GOLGA4: variants seen among roughly 807,000 people sequenced by gnomAD.
GOLGA4 encodes golgin subfamily A member 4.
GOLGA4 carries 169 observed loss-of-function variants against 265.9 expected under a neutral mutation model. The observed-to-expected ratio is 0.64, with a 90% CI of 0.56 to 0.72. GOLGA4 has a LOEUF of 0.72. GOLGA4 is among the 30% of genes least tolerant of loss of function. The pLI is 0.00. For synonymous variants in GOLGA4, 923 were observed against 855.8 expected (o/e 1.08, Z -1.37); for missense variants, 2,482 against 2,483.4 (o/e 1.00, Z 0.01).
chr3:37,245,073 G>A (rs993835753), intron 1 of GOLGA4, among the ~76,000 whole-genome samples: 1 of 152,132 alleles, frequency 6.6e-6, no homozygotes, highest in East Asian at 1.9e-4. Flanking sequence ...GGATTTTCAC[G>A]TCAATGTTGT....
intron 2 of GOLGA4, among the ~76,000 whole-genome samples, chr3:37,280,393 T>G (rs1443537263): frequency 6.6e-6 from 1 of 152,200 alleles, no homozygotes; most frequent in Non-Finnish European, 1.5e-5. Flanking sequence ...ACAGAAATGG[T>G]GAAAAATATG....
At chr3:37,301,579 G>A (rs965401165) in intron 9 of GOLGA4, among the ~76,000 whole-genome samples, 1 of 152,116 alleles carries the variant, frequency 6.6e-6, no homozygotes, top group Non-Finnish European at 1.5e-5. Flanking sequence ...TAGCACATTT[G>A]TAGAAAGGCT....
chr3:37,290,002 T>G (rs1423398379), intron 5 of GOLGA4, among the ~76,000 whole-genome samples: 2 of 152,230 alleles, frequency 1.3e-5, no homozygotes, highest in African/African-American at 4.8e-5. Context: ...TCTGTTAATT[T>G]ATTAACAAAA....
At chr3:37,355,960 C>T (rs2097089889) in intron 22 of GOLGA4, among the ~76,000 whole-genome samples, 1 of 152,064 alleles carries the variant, frequency 6.6e-6, no homozygotes, top group African/African-American at 2.4e-5. Context: ...GTTTTATTCT[C>T]TCTCTCCTCA....
chr3:37,278,644 A>T (rs769234607), intron 2 of GOLGA4, among the ~76,000 whole-genome samples: 2 of 152,212 alleles, frequency 1.3e-5, no homozygotes, highest in Non-Finnish European at 2.9e-5. Context: ...ATATTCAGGA[A>T]ATAAGCTCAC....
At position 37,276,735 on chromosome 3, in the gene GOLGA4, C is replaced by T. The variant is rs560699098; in HGVS notation, c.163-5223C>T. The T allele has an allele frequency of 1.0e-5, 8 of 791,582 alleles. No homozygotes were observed. In the East Asian group the frequency reaches 1.3e-4, roughly 13 times the overall value. The allele number at this position is 791,582 out of a possible 1,614,324, so 49.0% of individuals were successfully genotyped here. ...GAGTTAGACTTTGTTTTTGACCTAA[C>T]ATCCCTTCCTTAAATGCCTTCTGTA... On this transcript the variant is annotated intron_variant, in intron 2 of 23. Coordinates refer to ENST00000361924, the MANE Select transcript of GOLGA4 (RefSeq NM_002078.5).
At chr3:37,315,141 G>A (rs1438716143) in intron 10 of GOLGA4, among the ~76,000 whole-genome samples, 2 of 152,174 alleles carry the variant, frequency 1.3e-5, no homozygotes, top group Non-Finnish European at 2.9e-5. Context: ...AGAGAATGGA[G>A]AGCCTTCAGT....
intron 2 of GOLGA4, among the ~76,000 whole-genome samples, chr3:37,268,451 A>G (rs944604940): frequency 2.0e-5 from 3 of 148,706 alleles, no homozygotes; most frequent in African/African-American, 7.4e-5. Context: ...AGAAGCTATT[A>G]AAAAAAAAAC....
At chr3:37,332,065 C>G (rs538883866) in intron 16 of GOLGA4, among the ~76,000 whole-genome samples, 2 of 152,270 alleles carry the variant, frequency 1.3e-5, no homozygotes, top group South Asian at 4.1e-4. Context: ...TCCTTTTTCC[C>G]TAACATAGTC....
Position 37,337,817 on chromosome 3 carries a change from G to A in GOLGA4, c.6396+83G>A, listed in dbSNP as rs186181541. ...GATCTCAGCTACTTTTTAAATAGTTGGCTTTGAAATTTTTCAGTCTTACAC... is the reference window on the plus strand; with the variant it reads ...GATCTCAGCTACTTTTTAAATAGTTAGCTTTGAAATTTTTCAGTCTTACAC... On this transcript the variant is annotated intron_variant, in intron 19 of 23. Transcript: ENST00000361924. 6.6e-6 allele frequency: 6 copies of A among 908,174 alleles called. No homozygotes were observed. In the East Asian group the frequency reaches 1.5e-4, roughly 23 times the overall value. The allele number at this position is 908,174 out of a possible 1,614,324, so 56.3% of individuals were successfully genotyped here.
intron 2 of GOLGA4, among the ~76,000 whole-genome samples, chr3:37,267,539 A>G (rs964701049): frequency 1.3e-5 from 2 of 152,200 alleles, no homozygotes; most frequent in African/African-American, 4.8e-5. Context: ...GGGAAAGTGG[A>G]CATTTTCCTA....
At position 37,327,392 on chromosome 3, in the gene GOLGA4, G is replaced by A. The variant is rs1172287700; in HGVS notation, c.5506G>A (p.Asp1836Asn). The A allele has an allele frequency of 3.1e-6, 5 of 1,613,924 alleles. No homozygotes were observed. In the Admixed American group the frequency reaches 8.3e-5, roughly 27 times the overall value. ...QAKQNLENVF[D>N]DVQKTLQEKE... Reference sequence around the variant, plus strand: ...AAAGCAAAACTTGGAAAATGTGTTTGACGACGTCCAGAAAACCCTCCAGGA... The same window carrying A: ...AAAGCAAAACTTGGAAAATGTGTTTAACGACGTCCAGAAAACCCTCCAGGA... Residue 1836 changes from aspartate (D) to asparagine (N), a missense_variant, in exon 14 of 24, where the codon GAC becomes AAC. Asp to Asn is a conservative substitution (Grantham distance 23). Around this residue, in one of 3 missense-constraint regions of GOLGA4, gnomAD observed 942 missense variants for 983.1 expected, o/e 0.96. Coordinates refer to ENST00000361924, the MANE Select transcript of GOLGA4 (RefSeq NM_002078.5).
At chr3:37,359,668 C>T (rs976135352) in intron 22 of GOLGA4, among the ~76,000 whole-genome samples, 1 of 151,920 alleles carries the variant, frequency 6.6e-6, no homozygotes, top group African/African-American at 2.4e-5. Flanking sequence ...CAGTCCTTGC[C>T]CTGGACCAGT....
rs199741470 is a variant in GOLGA4, at chr3:37,326,365, A to C, written c.4479A>C (p.Lys1493Asn). The C allele has an allele frequency of 6.3e-4, 1,024 of 1,612,738 alleles. No homozygotes were observed. Among genetic ancestry groups the C allele is most frequent in the Non-Finnish European group, 8.3e-4 (981 of 1,179,590 alleles). The change falls in exon 14 of 24, where the codon AAA becomes AAC. Residue 1493 changes from lysine to asparagine, a missense_variant. Lys to Asn is a moderately conservative substitution (Grantham distance 94). Coordinates refer to ENST00000361924, the MANE Select transcript of GOLGA4 (RefSeq NM_002078.5). ...LLKEELDQQN[K>N]RFDCLKGEME... is the part of the protein sequence containing the mutation. The stretch of plus-strand genomic sequence containing the variant: ...AGGAAGAGCTTGATCAGCAAAATAA[A>C]AGATTTGATTGTTTAAAGGGTGAAA...
chr3:37,326,298 CAAAG>C lies in GOLGA4; in HGVS notation c.4413_4416del (p.Glu1473LeufsTer8), dbSNP rs1274355907. 2.5e-6 allele frequency: 4 copies of C among 1,611,668 alleles called. No individual in the cohort carries two copies. Among genetic ancestry groups the C allele is most frequent in the Admixed American group, 1.7e-5 (1 of 59,754 alleles). On this transcript the variant is annotated frameshift_variant, in exon 14 of 24. Coordinates refer to ENST00000361924, the MANE Select transcript of GOLGA4 (RefSeq NM_002078.5). LOFTEE classifies it high-confidence loss of function. The stretch of plus-strand genomic sequence containing the variant: ...TTGCAGATCCAGCTTGAGTTAAAAT[CAAAG>C]GAAGCTTATGAAAAGGATGAGCAGA...
intron 22 of GOLGA4, among the ~76,000 whole-genome samples, chr3:37,358,913 G>A (rs985651237): frequency 2.6e-5 from 4 of 152,076 alleles, no homozygotes; most frequent in African/African-American, 9.7e-5. Context: ...AGCGCAAACT[G>A]TTTTCATATT....
At chr3:37,246,573 T>C (rs1231734350) in intron 1 of GOLGA4, among the ~76,000 whole-genome samples, 8 of 152,170 alleles carry the variant, frequency 5.3e-5, no homozygotes, top group Non-Finnish European at 1.2e-4. Context: ...GTCAAATTCT[T>C]AGAGACAAAA....
At chr3:37,286,329 A>G (rs1478665431) in intron 4 of GOLGA4, among the ~76,000 whole-genome samples, 3 of 147,824 alleles carry the variant, frequency 2.0e-5, no homozygotes, top group Admixed American at 1.3e-4. Context: ...AATTTTTTGT[A>G]TTTTTAGTAG....
chr3:37,283,622 G>A (rs1004775596), intron 3 of GOLGA4, among the ~76,000 whole-genome samples: 1 of 152,034 alleles, frequency 6.6e-6, no homozygotes, highest in Non-Finnish European at 1.5e-5. Context: ...GGGCCCAAGC[G>A]ATCCTTCAGC....
Sources: allele counts gnomAD v4.1 joint callset (sites outside exome capture counted in the v4.1 genomes callset), GRCh38; gene constraint gnomAD v4.1.1; regional missense constraint gnomAD v4.1.1; transcripts MANE v1.5; gene names NCBI Gene and HGNC (gene_info 2026-07-23, HGNC 2026-07-21).